MTSS2: variants seen among roughly 807,000 people sequenced by gnomAD.
MTSS2 encodes the protein MTSS I-BAR domain containing 2.
In MTSS2, 27 loss-of-function variants were observed where a neutral mutation model predicts 67.1. That is an observed-to-expected ratio of 0.40 (90% confidence interval 0.30 to 0.55). The LOEUF (loss-of-function observed/expected upper bound fraction) is 0.55, where lower values mean the gene tolerates loss of function less well. Among genes scored for constraint, MTSS2 ranks in the 20% least tolerant of loss-of-function variants. MTSS2 has a pLI of 0.43. For missense variants in MTSS2, 1,171 were observed against 1,067.8 expected (o/e 1.10, Z -1.35); for synonymous variants, 624 against 468.6 (o/e 1.33, Z -4.28).
intron 11 of MTSS2, among the ~76,000 whole-genome samples, chr16:70,670,738 A>C (rs2142777782): frequency 6.6e-6 from 1 of 152,240 alleles, no homozygotes; most frequent in East Asian, 1.9e-4. Context: ...CTGAAGAGGA[A>C]GGATTGCTTG....
rs751595625 is a variant in MTSS2 at position 70,679,889 on chromosome 16, G to A, written c.291-12C>T. 3 of 1,587,916 alleles carry A rather than the reference G, an allele frequency of 1.9e-6. No individual in the cohort carries two copies. The highest frequency in any genetic ancestry group is 2.3e-5 in the East Asian group (1 of 44,038). On this transcript the variant is annotated splice_polypyrimidine_tract_variant and intron_variant, in intron 4 of 14. Coordinates refer to ENST00000338779, the MANE Select transcript of MTSS2 (RefSeq NM_138383.3). ...TCTCCAGCAGTGCGCTGCGGAGGGC[G>A]GGCGGGAGCGCAGGTCAGGGCCGGG...
chr16:70,679,470 G>C, intron 6 of MTSS2, 147 bp from the exon 7 acceptor site: 1 of 1,249,590 alleles, frequency 8.0e-7, no homozygotes, highest in Non-Finnish European at 1.1e-6. Flanking sequence ...AGGTTTGGGG[G>C]GAAGGGCAGC....
Position 70,679,961 on chromosome 16 carries a change from G to A in MTSS2, c.290+10C>T, listed in dbSNP as rs756420014. On this transcript the variant is annotated intron_variant, in intron 4 of 14. Transcript: ENST00000338779. ...CCCCGCCCCCCTGCCCGCCCGCAGC[G>A]CCCACTCACTTGGTGAACTGCCGCA... The A allele has an allele frequency of 3.0e-6, 4 of 1,349,288 alleles. No individual in the cohort carries two copies. The South Asian group carries it at 4.0e-5, about 14-fold the overall frequency. 83.6% of individuals were successfully genotyped at this position (1,349,288 alleles called of 1,614,324 possible). A position where few individuals can be genotyped will look rare whatever the true frequency, so the allele number is the denominator to read the frequency against.
In MTSS2 at chr16:70,664,665, C is replaced by T. The variant is rs900574001; in HGVS notation, c.1404G>A (p.Gln468=). 1.9e-6 allele frequency: 3 copies of T among 1,613,480 alleles called. No homozygotes were observed. Among genetic ancestry groups the T allele is most frequent in the South Asian group, 1.1e-5 (1 of 91,058 alleles). ...TCTGCGTGCTGTAGCCGCTGGAGTA[C>T]TGCAGCGAGTCCCGGCTGCTCTTCT... ...EHQKSSRDSL[Q]YSSGYSTQTT... Residue 468 remains glutamine, a synonymous_variant, in exon 14 of 15, where the codon CAG becomes CAA. Transcript: ENST00000338779.
intron 10 of MTSS2, 99 bp from the exon 11 acceptor site, chr16:70,674,627 G>C: frequency 6.8e-6 from 7 of 1,028,358 alleles, no homozygotes; most frequent in Non-Finnish European, 1.0e-5. Context: ...AAGAGGTGAG[G>C]GGCAAAGGAA....
At chr16:70,674,062 G>GA (rs1248880407) in intron 11 of MTSS2, among the ~76,000 whole-genome samples, 2 of 152,166 alleles carry the variant, frequency 1.3e-5, no homozygotes, top group African/African-American at 4.8e-5. Context: ...GATAAAAAAA[G>GA]AAAATCTAGG....
Position 70,685,872 on chromosome 16 carries a change from G to C in MTSS2, c.-81C>G, listed in dbSNP as rs556275712. On this transcript the variant is annotated 5_prime_UTR_variant, in exon 1 of 15. Transcript: ENST00000338779. Reference sequence around the variant, plus strand: ...CGCAAGGGAGGGGGCCAGGCCGCGCGGGCGCTCGCTCCGAGGCCGGGCCGG... The same window carrying C: ...CGCAAGGGAGGGGGCCAGGCCGCGCCGGCGCTCGCTCCGAGGCCGGGCCGG... The C allele has an allele frequency of 2.4e-6, 2 of 818,948 alleles. No individual in the cohort carries two copies. Among genetic ancestry groups the C allele is most frequent in the Non-Finnish European group, 3.0e-6 (2 of 670,732 alleles). The allele number at this position is 818,948 out of a possible 1,614,324, so 50.7% of individuals were successfully genotyped here. A position where few individuals can be genotyped will look rare whatever the true frequency, so the allele number is the denominator to read the frequency against.
In MTSS2 at chr16:70,661,699, C is replaced by T. The variant is rs2052478354; in HGVS notation, c.*1978G>A. 4.2e-6 allele frequency: 1 copy of T among 239,256 alleles called. No homozygotes were observed. Among genetic ancestry groups the T allele is most frequent in the South Asian group, 4.8e-5 (1 of 20,922 alleles). 14.8% of individuals were successfully genotyped at this position (239,256 alleles called of 1,614,324 possible). On this transcript the variant is annotated 3_prime_UTR_variant, in exon 15 of 15. Transcript: ENST00000338779. ...AGTAGAGTATGTACAGCCCCCGGGGCTCACAGGGGAGGGGGACGGCGGAGT... is the reference window on the plus strand; with the variant it reads ...AGTAGAGTATGTACAGCCCCCGGGGTTCACAGGGGAGGGGGACGGCGGAGT...
chr16:70,669,073 G>T (rs1304807918), intron 11 of MTSS2, among the ~76,000 whole-genome samples: 1 of 152,002 alleles, frequency 6.6e-6, no homozygotes, highest in Non-Finnish European at 1.5e-5. Context: ...AAACCAAAAG[G>T]CTTTTAGAGG....
In MTSS2 at chr16:70,666,838, A is replaced by G. The variant is rs117071663; in HGVS notation, c.1054-1298T>C. ...AGAAAGGAAGCTAATCTGATAAAGA[A>G]TATCTACAAATGCATTGATACTTTT... is the stretch of plus-strand genomic sequence containing the variant. On this transcript the variant is annotated intron_variant, in intron 11 of 14. Transcript: ENST00000338779. Among the ~76,000 whole-genome samples, 430 of 152,390 alleles carry G rather than the reference A, an allele frequency of 2.8e-3. 1 individual carries two copies. Among genetic ancestry groups the G allele is most frequent in the Non-Finnish European group, 4.9e-3 (335 of 68,044 alleles).
Position 70,662,584 on chromosome 16 carries a change from C to T in MTSS2, c.*1093G>A, listed in dbSNP as rs778553178. The T allele has an allele frequency of 2.0e-5, 3 of 152,512 alleles. No individual in the cohort carries two copies. The highest frequency in any genetic ancestry group is 4.4e-5 in the Non-Finnish European group (3 of 68,140). The allele number at this position is 152,512 out of a possible 1,614,324, so 9.4% of individuals were successfully genotyped here. ...AACCTTATTTTGGCTACGCTCGAGA[C>T]ACTGGAGAGAACAGTAGCTTCCACC... On this transcript the variant is annotated 3_prime_UTR_variant, in exon 15 of 15. Transcript: ENST00000338779.
intron 1 of MTSS2, 76 bp from the exon 2 acceptor site, chr16:70,681,101 A>C: frequency 1.4e-6 from 2 of 1,391,120 alleles, no homozygotes; most frequent in Admixed American, 2.0e-5. Context: ...GGCTCCCTGC[A>C]TGCTCCATCC....
At position 70,685,802 on chromosome 16, in the gene MTSS2, GGC is replaced by G; in HGVS notation, c.-13_-12del. 1 of 1,321,436 alleles carries G rather than the reference GGC, an allele frequency of 7.6e-7. No individual in the cohort carries two copies. The highest frequency in any genetic ancestry group is 9.8e-7 in the Non-Finnish European group (1 of 1,017,136). 81.9% of individuals were successfully genotyped at this position (1,321,436 alleles called of 1,614,324 possible). Reference sequence around the variant, plus strand: ...CTCCGCCGTCTCCATGCTCTGGCTGGGCCGGGCCGCGGCGGCGGCTAGGCGCA... The same window carrying G: ...CTCCGCCGTCTCCATGCTCTGGCTGGCGGGCCGCGGCGGCGGCTAGGCGCA... On this transcript the variant is annotated 5_prime_UTR_variant, in exon 1 of 15. Transcript: ENST00000338779.
chr16:70,680,614 T>G (rs2053273220), intron 3 of MTSS2, among the ~76,000 whole-genome samples, 180 bp downstream of exon 3: 1 of 152,040 alleles, frequency 6.6e-6, no homozygotes. Context: ...CACTCCTGCT[T>G]GCATGCCTCT....
chr16:70,663,892 TCTC>T lies in MTSS2; in HGVS notation c.2026_2028del (p.Glu676del). Reference sequence around the variant, plus strand: ...GCACCCGCCACCAGCTCCCCCAGCTTCTCCACCAGGCTGTGCCGGTTGGCCGCC... The same window carrying T: ...GCACCCGCCACCAGCTCCCCCAGCTTCACCAGGCTGTGCCGGTTGGCCGCC... On this transcript the variant is annotated inframe_deletion, in exon 15 of 15. Coordinates refer to ENST00000338779, the MANE Select transcript of MTSS2 (RefSeq NM_138383.3). The T allele has an allele frequency of 6.5e-7, 1 of 1,547,808 alleles. No homozygotes were observed. Among genetic ancestry groups the T allele is most frequent in the Non-Finnish European group, 8.7e-7 (1 of 1,148,426 alleles).
rs530058932 is a variant in MTSS2, at chr16:70,662,756, T to C, written c.*921A>G. 3 of 152,676 alleles carry C rather than the reference T, an allele frequency of 2.0e-5. No individual in the cohort carries two copies. In the East Asian group the frequency reaches 5.8e-4, roughly 29 times the overall value. The allele number at this position is 152,676 out of a possible 1,614,324, so 9.5% of individuals were successfully genotyped here. On this transcript the variant is annotated 3_prime_UTR_variant, in exon 15 of 15. Coordinates refer to ENST00000338779, the MANE Select transcript of MTSS2 (RefSeq NM_138383.3). ...CTCGTCCACAGTCAGCTCCATTTTATTATATTCATAAAATGACCCCACACC... is the reference window on the plus strand; with the variant it reads ...CTCGTCCACAGTCAGCTCCATTTTACTATATTCATAAAATGACCCCACACC...
At position 70,663,489 on chromosome 16, in the gene MTSS2, G is replaced by A; in HGVS notation, c.*188C>T. The A allele has an allele frequency of 8.6e-7, 1 of 1,162,204 alleles. No individual in the cohort carries two copies. The highest frequency in any genetic ancestry group is 1.7e-5 in the South Asian group (1 of 60,480). The allele number at this position is 1,162,204 out of a possible 1,614,324, so 72.0% of individuals were successfully genotyped here. A position where few individuals can be genotyped will look rare whatever the true frequency, so the allele number is the denominator to read the frequency against. ...AGGCCTGCAGGCTCCGTCCTGGCCAGGCTTGCTAAGAAGTCACTTCCTGTT... is the reference window on the plus strand; with the variant it reads ...AGGCCTGCAGGCTCCGTCCTGGCCAAGCTTGCTAAGAAGTCACTTCCTGTT... On this transcript the variant is annotated 3_prime_UTR_variant, in exon 15 of 15. Coordinates refer to ENST00000338779, the MANE Select transcript of MTSS2 (RefSeq NM_138383.3).
chr16:70,684,271 G>A (rs2053388081), intron 1 of MTSS2, among the ~76,000 whole-genome samples: 1 of 152,048 alleles, frequency 6.6e-6, no homozygotes, highest in Admixed American at 6.5e-5. Context: ...GGCCAGGGCT[G>A]TGATGTCCAC....
chr16:70,665,680 C>CT (rs2052689016), intron 11 of MTSS2, 140 bp from the exon 12 acceptor site: 1 of 681,216 alleles, frequency 1.5e-6, no homozygotes, highest in African/African-American at 1.8e-5. Flanking sequence ...ACCCACCCCC[C>CT]CTACCCCAGG....
Sources: gnomAD v4.1 joint callset for allele counts (sites outside exome capture counted in the v4.1 genomes callset) on GRCh38, gnomAD v4.1.1 for gene constraint, MANE v1.5 for transcripts, NCBI Gene and HGNC (gene_info 2026-07-23, HGNC 2026-07-21) for gene names.